NDUFAF2: variants seen among roughly 807,000 people sequenced by gnomAD.
The protein encoded by NDUFAF2 is NADH dehydrogenase [ubiquinone] 1 alpha subcomplex assembly factor 2.
A neutral mutation model predicts 22.8 loss-of-function variants in NDUFAF2; 13 were observed. The ratio of observed to expected loss-of-function variants is 0.57; its 90% CI spans 0.37 to 0.91. The LOEUF is 0.91. NDUFAF2 is among the 40% of genes least tolerant of loss of function. NDUFAF2 has a pLI of 0.01. For synonymous variants in NDUFAF2, 53 were observed against 64.2 expected, an observed-to-expected ratio of 0.83 and a Z score of 0.84; for missense variants, 162 against 195.2, an observed-to-expected ratio of 0.83 and a Z score of 1.01.
chr5:61,040,286 A>ACGCGCGCGCGCG (rs1323303366), intron 1 of NDUFAF2, among the ~76,000 whole-genome samples: 95 of 93,082 alleles, frequency 1.0e-3, no homozygotes, highest in Admixed American at 3.7e-3. Context: ...ACACACACAC[A>ACGCGCGCGCGCG]CGCGCGCGCG....
At chr5:60,998,853 T>C (rs987007680) in intron 1 of NDUFAF2, among the ~76,000 whole-genome samples, 5 of 152,072 alleles carry the variant, frequency 3.3e-5, no homozygotes, top group Non-Finnish European at 5.9e-5. Context: ...AGGTGAGATT[T>C]TTTTCCATAT....
At chr5:61,085,296 G>A (rs1752492733) in intron 2 of NDUFAF2, among the ~76,000 whole-genome samples, 2 of 152,088 alleles carry the variant, frequency 1.3e-5, no homozygotes, top group South Asian at 4.1e-4. Flanking sequence ...GAAAAATCAT[G>A]AGTTAATTCC....
intron 3 of NDUFAF2, among the ~76,000 whole-genome samples, chr5:61,130,230 A>G (rs1376558993): frequency 6.6e-6 from 1 of 152,128 alleles, no homozygotes; most frequent in African/African-American, 2.4e-5. Context: ...CACAAATATC[A>G]CTTTCCTTGA....
intron 1 of NDUFAF2, among the ~76,000 whole-genome samples, chr5:61,034,901 G>A (rs2112611768): frequency 8.4e-6 from 1 of 118,408 alleles, no homozygotes; most frequent in South Asian, 3.2e-4. Flanking sequence ...TTTTTAGGTA[G>A]GCAAATATAT....
At chr5:60,951,757 T>C (rs1750551309) in intron 1 of NDUFAF2, among the ~76,000 whole-genome samples, 1 of 152,148 alleles carries the variant, frequency 6.6e-6, no homozygotes, top group African/African-American at 2.4e-5. Flanking sequence ...GAAGCGTTTG[T>C]GAAGAATTTG....
chr5:60,993,015 G>A lies in NDUFAF2; in HGVS notation c.127+47633G>A, dbSNP rs76753380. On this transcript the variant is annotated intron_variant, in intron 1 of 3. Coordinates refer to ENST00000296597, the MANE Select transcript of NDUFAF2 (RefSeq NM_174889.5). ...GTTCCACACACTGGACCTGCAGGCC[G>A]TGCTTGGCTCAGGCTACTGGTCTGG... Among the ~76,000 whole-genome samples the A allele has an allele frequency of 1.7e-3, 262 of 152,328 alleles. 2 individuals carry two copies. Among genetic ancestry groups the A allele is most frequent in the African/African-American group, 6.0e-3 (251 of 41,566 alleles).
At chr5:61,130,009 C>T (rs998958089) in intron 3 of NDUFAF2, among the ~76,000 whole-genome samples, 1 of 152,026 alleles carries the variant, frequency 6.6e-6, no homozygotes, top group African/African-American at 2.4e-5. Context: ...AGAAAAGAAA[C>T]ATTCTCAAGA....
intron 1 of NDUFAF2, among the ~76,000 whole-genome samples, chr5:60,975,659 G>A (rs1750893199): frequency 6.6e-6 from 1 of 152,124 alleles, no homozygotes; most frequent in African/African-American, 2.4e-5. Context: ...AATTGGTTTG[G>A]GATATGAGAA....
chr5:61,025,591 T>C (rs1751639964), intron 1 of NDUFAF2, among the ~76,000 whole-genome samples: 1 of 152,038 alleles, frequency 6.6e-6, no homozygotes, highest in African/African-American at 2.4e-5. Context: ...TCTGTAAATA[T>C]GTATTAAGAG....
chr5:61,076,152 GCTCCAC>G (rs1029493016), intron 2 of NDUFAF2, among the ~76,000 whole-genome samples: 1 of 152,042 alleles, frequency 6.6e-6, no homozygotes, highest in African/African-American at 2.4e-5. Context: ...CTCACTGCAG[GCTCCAC>G]CTCCCAAGTT....
chr5:61,017,226 T>C (rs1371772329), intron 1 of NDUFAF2, among the ~76,000 whole-genome samples: 1 of 152,180 alleles, frequency 6.6e-6, no homozygotes, highest in African/African-American at 2.4e-5. Context: ...TTCATACTGA[T>C]GTTATGTTGA....
intron 3 of NDUFAF2, among the ~76,000 whole-genome samples, chr5:61,109,396 C>T (rs771389242): frequency 1.4e-4 from 22 of 152,168 alleles, no homozygotes; most frequent in Non-Finnish European, 3.2e-4. Flanking sequence ...TGCCTACAAA[C>T]AAGGATAATT....
chr5:60,983,898 C>T (rs1417405782), intron 1 of NDUFAF2, among the ~76,000 whole-genome samples: 4 of 152,040 alleles, frequency 2.6e-5, no homozygotes, highest in Non-Finnish European at 5.9e-5. Flanking sequence ...TTTTTGGTTC[C>T]ATATGAACTT....
intron 1 of NDUFAF2, among the ~76,000 whole-genome samples, chr5:60,954,762 T>A (rs919898702): frequency 6.6e-6 from 1 of 151,754 alleles, no homozygotes; most frequent in South Asian, 2.1e-4. Flanking sequence ...TTTTTTTTTT[T>A]AAATAGTAGC....
At chr5:61,034,912 ATGTGTG>A (rs1554080641) in intron 1 of NDUFAF2, among the ~76,000 whole-genome samples, 42 of 144,992 alleles carry the variant, frequency 2.9e-4, no homozygotes, top group Admixed American at 9.8e-4. Context: ...GCAAATATAT[ATGTGTG>A]TGTGTGTGTG....
intron 3 of NDUFAF2, among the ~76,000 whole-genome samples, chr5:61,141,099 T>C (rs1445944823): frequency 1.3e-5 from 2 of 151,990 alleles, no homozygotes; most frequent in African/African-American, 2.4e-5. Context: ...TGGTGGCACA[T>C]GCCTGTAATC....
intron 1 of NDUFAF2, among the ~76,000 whole-genome samples, chr5:61,042,050 C>T (rs567645077): frequency 2.8e-4 from 43 of 152,218 alleles, no homozygotes; most frequent in African/African-American, 9.1e-4. Flanking sequence ...GTCACTAATA[C>T]GCTAGAGTCT....
intron 3 of NDUFAF2, chr5:61,114,844 C>T (rs901000420): frequency 6.6e-6 from 1 of 152,122 alleles, no homozygotes; most frequent in African/African-American, 2.4e-5. Flanking sequence ...GAAGAATTCT[C>T]TGGATTACCA....
chr5:61,115,403 CCTGACTGTGG>C (rs1323555601), intron 3 of NDUFAF2: 1 of 152,190 alleles, frequency 6.6e-6, no homozygotes, highest in Non-Finnish European at 1.5e-5. Flanking sequence ...TGATGCTCTA[CCTGACTGTGG>C]CTGAACTGCT....
Sources: gnomAD v4.1 joint callset for allele counts (sites outside exome capture counted in the v4.1 genomes callset) on GRCh38, gnomAD v4.1.1 for gene constraint, MANE v1.5 for transcripts, NCBI Gene and HGNC (gene_info 2026-07-23, HGNC 2026-07-21) for gene names.